DOP1A: variants seen among roughly 807,000 people sequenced by gnomAD.
The protein encoded by DOP1A is DOP1 leucine zipper like protein A, also known as protein DOP1A.
Under a neutral mutation model 267.6 loss-of-function variants are expected in DOP1A, and 90 were observed. The observed-to-expected ratio is 0.34, with a 90% CI of 0.28 to 0.40. The LOEUF (loss-of-function observed/expected upper bound fraction) is 0.40, where lower values mean the gene tolerates loss of function less well. Ranked by LOEUF, DOP1A falls within the 10% of genes least tolerant of loss-of-function variation. DOP1A has a pLI of 1.00. For missense variants in DOP1A, 2,437 were observed against 2,900.4 expected (o/e 0.84, Z 3.67); for synonymous variants, 932 against 999.1 (o/e 0.93, Z 1.27).
intron 3 of DOP1A, among the ~76,000 whole-genome samples, chr6:83,100,468 A>G (rs1772375414): frequency 6.6e-6 from 1 of 152,172 alleles, no homozygotes; most frequent in African/African-American, 2.4e-5. Flanking sequence ...GGAAAATATC[A>G]TTTTTCATTA....
At chr6:83,127,429 G>A in intron 15 of DOP1A, among the ~76,000 whole-genome samples, 1 of 152,134 alleles carries the variant, frequency 6.6e-6, no homozygotes, top group Non-Finnish European at 1.5e-5. Context: ...AGGCAGAGAC[G>A]AGCACCAAGC....
At chr6:83,168,648 G>A, downstream of DOP1A, 2 of 995,702 alleles carry the variant, frequency 2.0e-6, no homozygotes, top group Non-Finnish European at 2.4e-6. Flanking sequence ...CTGAAGGCTG[G>A]ACCATGCATC....
rs1034489773 is a variant in DOP1A, at chr6:83,125,527, C to G, written c.1513C>G (p.His505Asp). The G allele has an allele frequency of 6.2e-7, 1 of 1,613,644 alleles. No individual in the cohort carries two copies. The highest frequency in any genetic ancestry group is 1.7e-5 in the Admixed American group (1 of 59,982). Residue 505 changes from histidine (H) to aspartate (D), a missense_variant, in exon 15 of 39, where the codon CAC becomes GAC. His to Asp is a moderately conservative substitution (Grantham distance 81). Transcript: ENST00000349129. Reference sequence around the variant, plus strand: ...GACTTACATTGAAATCCAGACAGAACACTTGCCCCAGTTGCTGCTCAGAAT... The same window carrying G: ...GACTTACATTGAAATCCAGACAGAAGACTTGCCCCAGTTGCTGCTCAGAAT... ...QETYIEIQTE[H>D]LPQLLLRMIS...
In DOP1A at chr6:83,139,098, C is replaced by T. The variant is rs1779236626; in HGVS notation, c.5056C>T (p.Leu1686=). Residue 1686 remains leucine, a synonymous_variant, in exon 21 of 39, where the codon CTG becomes TTG. Transcript: ENST00000349129. ...QRVVVSVTLQ[L]CRNLDNLIQQ... is the part of the protein sequence containing the mutation. ...AGTGGTTGTTTCTGTGACACTACAA[C>T]TGTGCAGAAATTTAGATAATCTAAT... 6.2e-7 allele frequency: 1 copy of T among 1,613,804 alleles called. No homozygotes were observed. Among genetic ancestry groups the T allele is most frequent in the Non-Finnish European group, 8.5e-7 (1 of 1,179,874 alleles).
intron 9 of DOP1A, among the ~76,000 whole-genome samples, 197 bp from the exon 10 acceptor site, chr6:83,120,486 C>CT (rs1419196813): frequency 1.3e-5 from 2 of 151,794 alleles, no homozygotes; most frequent in Non-Finnish European, 3.0e-5. Context: ...AATTTAGACA[C>CT]TTTTTTTCTC....
At chr6:83,158,241 T>C (rs1583172243) in intron 35 of DOP1A, among the ~76,000 whole-genome samples, 2 of 152,140 alleles carry the variant, frequency 1.3e-5, no homozygotes, top group Non-Finnish European at 2.9e-5. Context: ...GACCTTGTGA[T>C]CTGCCCACCT....
chr6:83,169,109 A>G (rs990018859), downstream of DOP1A: 14 of 1,484,890 alleles, frequency 9.4e-6, no homozygotes, highest in Non-Finnish European at 1.2e-5. Context: ...AAACAGATCT[A>G]GAGACAATCC....
intron 7 of DOP1A, among the ~76,000 whole-genome samples, chr6:83,117,119 TTTTTATTTTA>T (rs55825933): frequency 0.016 from 2,076 of 131,332 alleles, 38 homozygotes; most frequent in African/African-American, 0.047. Context: ...TTTTAGTACT[TTTTTATTTTA>T]TTTTATTTTA....
chr6:83,155,430 T>G (rs1251793299), intron 33 of DOP1A, among the ~76,000 whole-genome samples: 1 of 152,062 alleles, frequency 6.6e-6, no homozygotes, highest in African/African-American at 2.4e-5. Context: ...CCACTGCACT[T>G]CAGACTGGGT....
At chr6:83,121,180 T>G (rs949572870) in intron 10 of DOP1A, among the ~76,000 whole-genome samples, 1 of 151,820 alleles carries the variant, frequency 6.6e-6, no homozygotes, top group Non-Finnish European at 1.5e-5. Context: ...TTTTGCATGT[T>G]CTCTCTTTAT....
chr6:83,082,796 C>G (rs1427657391), intron 1 of DOP1A, among the ~76,000 whole-genome samples: 1 of 150,086 alleles, frequency 6.7e-6, no homozygotes, highest in African/African-American at 2.5e-5. Context: ...CTACATGTCT[C>G]TTTTTTAAAC....
intron 1 of DOP1A, among the ~76,000 whole-genome samples, chr6:83,094,789 T>C (rs182326213): frequency 7.9e-5 from 12 of 152,228 alleles, no homozygotes; most frequent in African/African-American, 2.9e-4. Context: ...TCATCAGATA[T>C]ATGGAGGATA....
chr6:83,163,035 A>G, intron 38 of DOP1A, 116 bp downstream of exon 38: 1 of 1,196,140 alleles, frequency 8.4e-7, no homozygotes, highest in Non-Finnish European at 1.2e-6. Context: ...CTATTTTGAA[A>G]ACAAGTCCCC....
At chr6:83,150,103 G>A (rs928406601) in intron 27 of DOP1A, among the ~76,000 whole-genome samples, 11 of 152,258 alleles carry the variant, frequency 7.2e-5, no homozygotes, top group South Asian at 2.1e-4. Flanking sequence ...AGCCACATGC[G>A]GTGGCTCATG....
intron 1 of DOP1A, among the ~76,000 whole-genome samples, chr6:83,083,591 G>A (rs1768534921): frequency 6.6e-6 from 1 of 152,072 alleles, no homozygotes; most frequent in African/African-American, 2.4e-5. Flanking sequence ...GTATTGTGAA[G>A]ATACATGAGA....
At chr6:83,101,039 G>A (rs572476532) in intron 4 of DOP1A, among the ~76,000 whole-genome samples, 153 bp downstream of exon 4, 1 of 152,152 alleles carries the variant, frequency 6.6e-6, no homozygotes, top group South Asian at 2.1e-4. Context: ...TGTTTGAGAC[G>A]GAGTCTTGCT....
intron 7 of DOP1A, among the ~76,000 whole-genome samples, chr6:83,114,844 A>T (rs1375579175): frequency 1.3e-5 from 2 of 152,148 alleles, no homozygotes; most frequent in Non-Finnish European, 2.9e-5. Context: ...GTGTTTTTTA[A>T]AAGTATACAC....
rs189294580 is a variant in DOP1A, at chr6:83,099,799, G to A, written c.139-906G>A. Among the ~76,000 whole-genome samples, 6 of 150,676 alleles carry A rather than the reference G, an allele frequency of 4.0e-5. No homozygotes were observed. In the East Asian group the frequency reaches 5.9e-4, roughly 15 times the overall value. On this transcript the variant is annotated intron_variant, in intron 3 of 38. Transcript: ENST00000349129. ...TCTATTACATATATATACTCATACC[G>A]CCTTTGATGGTCATTTCATATATTA...
chr6:83,150,465 T>C (rs988560298), intron 27 of DOP1A, among the ~76,000 whole-genome samples: 2 of 152,208 alleles, frequency 1.3e-5, no homozygotes, highest in African/African-American at 4.8e-5. Flanking sequence ...TTCTGAATGT[T>C]AAAACAAAAA....
Sources: gnomAD v4.1 joint callset for allele counts (sites outside exome capture counted in the v4.1 genomes callset) on GRCh38, gnomAD v4.1.1 for gene constraint, MANE v1.5 for transcripts, NCBI Gene and HGNC (gene_info 2026-07-23, HGNC 2026-07-21) for gene names.